Variants in TMEM45B observed in about 807,000 individuals in gnomAD.
TMEM45B encodes the protein transmembrane protein 45B.
In TMEM45B, 29 loss-of-function variants were observed where a neutral mutation model predicts 27.3. The observed-to-expected ratio is 1.06, with a 90% CI of 0.79 to 1.45. The LOEUF (loss-of-function observed/expected upper bound fraction) is 1.45. TMEM45B is among the 40% of genes most tolerant of loss of function. The probability of loss-of-function intolerance (pLI) is 0.00; values close to 1 mark genes in which losing one functional copy is unlikely to be tolerated. For missense variants in TMEM45B, 348 were observed against 343.9 expected (o/e 1.01, Z -0.09); for synonymous variants, 143 against 134.7 (o/e 1.06, Z -0.43).
intron 1 of TMEM45B, among the ~76,000 whole-genome samples, chr11:129,850,148 C>CAT (rs1947825772): frequency 8.3e-6 from 1 of 121,072 alleles, no homozygotes; most frequent in African/African-American, 3.3e-5. Flanking sequence ...TCTTTTCTCA[C>CAT]GTTTTTTTTT....
At chr11:129,817,570 T>G (rs998773904) in intron 1 of TMEM45B, among the ~76,000 whole-genome samples, 9 of 152,238 alleles carry the variant, frequency 5.9e-5, no homozygotes, top group Admixed American at 2.6e-4. Context: ...TTCCTTCTTT[T>G]TAAAGAGCTT....
chr11:129,858,191 A>G (rs1356097243), intron 5 of TMEM45B, among the ~76,000 whole-genome samples: 2 of 152,082 alleles, frequency 1.3e-5, no homozygotes, highest in Non-Finnish European at 1.5e-5. Context: ...CTTCTAGGTC[A>G]TTTCTCTAGA....
At chr11:129,836,864 T>G (rs1947626158) in intron 1 of TMEM45B, among the ~76,000 whole-genome samples, 1 of 152,128 alleles carries the variant, frequency 6.6e-6, no homozygotes, top group African/African-American at 2.4e-5. Flanking sequence ...GATTCATGCT[T>G]ACAACATGGA....
At chr11:129,836,975 A>C (rs1477526439) in intron 1 of TMEM45B, among the ~76,000 whole-genome samples, 1 of 152,168 alleles carries the variant, frequency 6.6e-6, no homozygotes, top group Non-Finnish European at 1.5e-5. Flanking sequence ...GTAGAAATAT[A>C]AAATCGACTG....
At chr11:129,822,824 A>G (rs1947434972) in intron 1 of TMEM45B, among the ~76,000 whole-genome samples, 2 of 150,204 alleles carry the variant, frequency 1.3e-5, no homozygotes, top group African/African-American at 2.5e-5. Context: ...TATGGATTAT[A>G]TTGGGAAAAC....
In TMEM45B at chr11:129,845,370, T is replaced by C. The variant is rs562800156; in HGVS notation, c.-8-7105T>C. On this transcript the variant is annotated intron_variant, in intron 1 of 5. Coordinates refer to ENST00000281441, the MANE Select transcript of TMEM45B (RefSeq NM_138788.5). ...GTGTGTGTGTGTGTGTGTGTGTGTA[T>C]GCATGAAGGAAGGGGTAGGAAATAG... 7.4e-5 allele frequency among the ~76,000 whole-genome samples: 11 copies of C among 149,538 alleles called. No homozygotes were observed. The East Asian group carries it at 1.2e-3, about 16-fold the overall frequency.
At chr11:129,856,939 G>A (rs1947936807) in intron 4 of TMEM45B, among the ~76,000 whole-genome samples, 1 of 145,180 alleles carries the variant, frequency 6.9e-6, no homozygotes, top group African/African-American at 2.6e-5. Flanking sequence ...TGCAACCTCC[G>A]CCTCCCAGGT....
intron 2 of TMEM45B, among the ~76,000 whole-genome samples, chr11:129,853,575 G>T (rs1947879093): frequency 6.6e-6 from 1 of 152,166 alleles, no homozygotes; most frequent in Admixed American, 6.5e-5. Flanking sequence ...AATAAAGCTA[G>T]GACAATTACA....
intron 1 of TMEM45B, among the ~76,000 whole-genome samples, chr11:129,838,570 T>C (rs1947652786): frequency 6.6e-6 from 1 of 152,138 alleles, no homozygotes; most frequent in Non-Finnish European, 1.5e-5. Flanking sequence ...TACCTCCAAT[T>C]CATTCTTTTT....
rs753763275 is a variant in TMEM45B at position 129,857,329 on chromosome 11, TC to T, written c.590del (p.Pro197HisfsTer45). On this transcript the variant is annotated frameshift_variant, in exon 5 of 6. Transcript: ENST00000281441. LOFTEE classifies it high-confidence loss of function. ...TWFWQIGFVL[F>X]PPFGTPEWDQ... ...ATCCCCTAGATTGGGTTTGTGCTGT[TC>T]CCACCTTTTGGAACACCCGAATGGG... The T allele has an allele frequency of 6.2e-7, 1 of 1,614,090 alleles. No homozygotes were observed. The highest frequency in any genetic ancestry group is 8.5e-7 in the Non-Finnish European group (1 of 1,180,048).
intron 1 of TMEM45B, among the ~76,000 whole-genome samples, chr11:129,851,798 G>A (rs890969772): frequency 5.9e-5 from 9 of 152,142 alleles, no homozygotes; most frequent in African/African-American, 2.2e-4. Flanking sequence ...ATAAGGTGAT[G>A]TTTACATCGT....
chr11:129,827,072 A>G (rs692178), intron 1 of TMEM45B: 139,413 of 152,328 alleles, frequency 0.92, 63,957 homozygotes, highest in East Asian at 1. Flanking sequence ...GAAAGGCCCA[A>G]ATCAAATGCC....
chr11:129,850,461 G>C (rs1947832880), intron 1 of TMEM45B: 1 of 152,228 alleles, frequency 6.6e-6, no homozygotes, highest in Admixed American at 6.5e-5. Context: ...CACCGCACCT[G>C]GCCTCTCATG....
chr11:129,832,844 T>C (rs543917977), intron 1 of TMEM45B, among the ~76,000 whole-genome samples: 2 of 152,018 alleles, frequency 1.3e-5, no homozygotes, highest in African/African-American at 4.8e-5. Flanking sequence ...GTCACAGAAA[T>C]AAAAAGTAAA....
intron 1 of TMEM45B, among the ~76,000 whole-genome samples, chr11:129,833,569 G>A (rs578054220): frequency 2.0e-5 from 3 of 152,212 alleles, no homozygotes; most frequent in Admixed American, 6.5e-5. Context: ...GAGCTCAGGA[G>A]TTCCAGACCA....
At chr11:129,816,085 G>A (rs1210202723) in intron 1 of TMEM45B, among the ~76,000 whole-genome samples, 187 bp downstream of exon 1, 1 of 152,176 alleles carries the variant, frequency 6.6e-6, no homozygotes, top group African/African-American at 2.4e-5. Context: ...AGGACGGGAG[G>A]GGATGGAGGG....
At chr11:129,844,929 G>A (rs955399857) in intron 1 of TMEM45B, among the ~76,000 whole-genome samples, 4 of 151,948 alleles carry the variant, frequency 2.6e-5, no homozygotes, top group Admixed American at 2.6e-4. Flanking sequence ...AATATTAAAG[G>A]ACATCCTTCA....
In TMEM45B at chr11:129,832,065, CAA is replaced by C. The variant is rs57336005; in HGVS notation, c.-9+16187_-9+16188del. 8.7e-4 allele frequency among the ~76,000 whole-genome samples: 51 copies of C among 58,602 alleles called. 1 individual carries two copies. The South Asian group carries it at 0.015, about 18-fold the overall frequency. The allele number at this position is 58,602 out of a possible 152,430, so 38.4% of individuals were successfully genotyped here. A position where few individuals can be genotyped will look rare whatever the true frequency, so the allele number is the denominator to read the frequency against. On this transcript the variant is annotated intron_variant, in intron 1 of 5. Transcript: ENST00000281441. ...TGGGCGACAGAGCGAGATTCCATCT[CAA>C]AAAAAAAAAAAAAAAAAAAGGATCC...
At chr11:129,827,311 AT>A (rs1422989637) in intron 1 of TMEM45B, among the ~76,000 whole-genome samples, 2 of 152,226 alleles carry the variant, frequency 1.3e-5, no homozygotes, top group Non-Finnish European at 2.9e-5. Flanking sequence ...CCTACTACAC[AT>A]CTAGGCTATG....
Sources: allele counts gnomAD v4.1 joint callset (sites outside exome capture counted in the v4.1 genomes callset), GRCh38; gene constraint gnomAD v4.1.1; transcripts MANE v1.5; gene names NCBI Gene and HGNC (gene_info 2026-07-23, HGNC 2026-07-21).